Variants in TOPBP1 observed in about 807,000 individuals in gnomAD.
TOPBP1 encodes DNA topoisomerase II binding protein 1.
Under a neutral mutation model 167.7 loss-of-function variants are expected in TOPBP1, and 28 were observed. The ratio of observed to expected loss-of-function variants is 0.17; its 90% CI spans 0.12 to 0.23. The LOEUF (loss-of-function observed/expected upper bound fraction) is 0.23, where lower values mean the gene tolerates loss of function less well. TOPBP1 is among the 10% of genes least tolerant of loss of function. The pLI is 1.00. For synonymous variants in TOPBP1, 598 were observed against 611.4 expected (o/e 0.98, Z 0.32); for missense variants, 1,554 against 1,809.6 (o/e 0.86, Z 2.56).
intron 23 of TOPBP1, among the ~76,000 whole-genome samples, chr3:133,616,427 A>G (rs1934882900): frequency 1.3e-5 from 2 of 151,962 alleles, no homozygotes; most frequent in Non-Finnish European, 2.9e-5. Context: ...TGGCCTCCAC[A>G]CTGTTTCTAA....
chr3:133,604,415 G>T (rs1168337469), intron 27 of TOPBP1, among the ~76,000 whole-genome samples: 1 of 151,720 alleles, frequency 6.6e-6, no homozygotes, highest in Non-Finnish European at 1.5e-5. Flanking sequence ...GAGATTACAG[G>T]CGTGTGCTAC....
intron 14 of TOPBP1, among the ~76,000 whole-genome samples, chr3:133,636,381 T>C (rs1312419728): frequency 6.8e-5 from 8 of 116,958 alleles, no homozygotes; most frequent in Admixed American, 1.7e-4. Flanking sequence ...TACCATATTA[T>C]ATCAGTTTGA....
At position 133,649,818 on chromosome 3, in the gene TOPBP1, A is replaced by G; in HGVS notation, c.1215T>C (p.Asp405=). The change falls in exon 9 of 28, where the codon GAT becomes GAC. Residue 405 remains aspartate (D), a synonymous_variant. Coordinates refer to ENST00000260810, the MANE Select transcript of TOPBP1 (RefSeq NM_007027.4). ...TATTCCAAAACTGCTTCAATTCATCATCATAATCTCCCACAATAACATGAG... is the reference window on the plus strand; with the variant it reads ...TATTCCAAAACTGCTTCAATTCATCGTCATAATCTCCCACAATAACATGAG... ...DVTHVIVGDY[D]DELKQFWNKS... is the part of the protein sequence containing the mutation. The G allele has an allele frequency of 5.0e-6, 8 of 1,608,186 alleles. No homozygotes were observed. Among genetic ancestry groups the G allele is most frequent in the Non-Finnish European group, 6.8e-6 (8 of 1,178,646 alleles).
Position 133,659,145 on chromosome 3 carries a change from T to C in TOPBP1, c.90A>G (p.Ile30Met). Residue 30 changes from isoleucine to methionine, a missense_variant, in exon 3 of 28, where the codon ATA (isoleucine) becomes ATG (methionine). Transcript: ENST00000260810. ...SKCFFKALES[I>M]KEFQSEEYLQ... ...GATATTCTTCTGATTGGAATTCTTT[T>C]ATGGACTGAAAGAAAAAATAAAATA... is the stretch of plus-strand genomic sequence containing the variant. The C allele has an allele frequency of 1.3e-6, 2 of 1,562,298 alleles. No homozygotes were observed. Among genetic ancestry groups the C allele is most frequent in the Non-Finnish European group, 1.7e-6 (2 of 1,156,032 alleles).
chr3:133,651,740 A>C (rs1936313086), intron 8 of TOPBP1, among the ~76,000 whole-genome samples: 1 of 152,244 alleles, frequency 6.6e-6, no homozygotes, highest in African/African-American at 2.4e-5. Flanking sequence ...ACTTTGGAGT[A>C]GATAACTGGC....
At position 133,624,135 on chromosome 3, in the gene TOPBP1, C is replaced by G. The variant is rs759404650; in HGVS notation, c.2845G>C (p.Gly949Arg). The G allele has an allele frequency of 5.6e-6, 9 of 1,613,640 alleles. No individual in the cohort carries two copies. In the South Asian group the frequency reaches 7.7e-5, roughly 14 times the overall value. The change falls in exon 17 of 28, where the codon GGG (glycine) becomes CGG (arginine). Residue 949 changes from glycine to arginine, a missense_variant. Around this residue, in one of 3 missense-constraint regions of TOPBP1, gnomAD observed 1,197 missense variants for 1,351.5 expected, o/e 0.89. Transcript: ENST00000260810. The part of the protein sequence containing the change: ...DETVTHFIYQ[G>R]RPNDTNREYK... ...TCCCGATTAGTGTCATTTGGCCGCC[C>G]TTGATAGATGAAATGAGTCACTGTT...
chr3:133,631,736 C>G (rs1445705575), intron 14 of TOPBP1, among the ~76,000 whole-genome samples: 1 of 152,110 alleles, frequency 6.6e-6, no homozygotes, highest in Non-Finnish European at 1.5e-5. Context: ...CCTCCTGGTT[C>G]AAGTGATTCT....
intron 14 of TOPBP1, among the ~76,000 whole-genome samples, chr3:133,635,889 C>G (rs2107803950): frequency 6.6e-6 from 1 of 152,022 alleles, no homozygotes; most frequent in South Asian, 2.1e-4. Context: ...AAATGCCCAT[C>G]AACAGTACAC....
At chr3:133,611,519 A>G (rs1434468764) in intron 24 of TOPBP1, among the ~76,000 whole-genome samples, 1 of 152,244 alleles carries the variant, frequency 6.6e-6, no homozygotes. Flanking sequence ...TTATCTGTCT[A>G]TGTAGTAAAG....
chr3:133,618,396 G>C lies in TOPBP1; in HGVS notation c.3409C>G (p.Pro1137Ala), dbSNP rs368442983. 9.5e-5 allele frequency: 153 copies of C among 1,613,906 alleles called. No homozygotes were observed. In the East Asian group the frequency reaches 1.2e-3, roughly 13 times the overall value. ...CAAATGATCTGTTCATTTTGGGAAG[G>C]CTCTGTGTTGACATCAGGTACTGTC... ...RQTVPDVNTEPSQNEQIIWDD... is the reference protein window; with the variant it reads ...RQTVPDVNTEASQNEQIIWDD... Residue 1137 changes from proline (P) to alanine (A), a missense_variant, in exon 21 of 28, where the codon CCT becomes GCT. Transcript: ENST00000260810.
At chr3:133,653,049 T>C (rs1465662237) in intron 7 of TOPBP1, among the ~76,000 whole-genome samples, 1 of 152,226 alleles carries the variant, frequency 6.6e-6, no homozygotes, top group African/African-American at 2.4e-5. Context: ...ATGCATGTAA[T>C]GTTTAAAAGA....
intron 8 of TOPBP1, among the ~76,000 whole-genome samples, chr3:133,651,263 T>C (rs998499193): frequency 1.3e-5 from 2 of 148,370 alleles, no homozygotes; most frequent in African/African-American, 5.0e-5. Flanking sequence ...CTCGGCTCAC[T>C]GTAACCTCCG....
chr3:133,636,561 T>C (rs1029548994), intron 14 of TOPBP1, among the ~76,000 whole-genome samples: 4 of 152,188 alleles, frequency 2.6e-5, no homozygotes, highest in Admixed American at 6.5e-5. Context: ...ATGTGTTTTT[T>C]GTATTGAGGC....
intron 10 of TOPBP1, among the ~76,000 whole-genome samples, chr3:133,647,456 A>G (rs190879460): frequency 2.2e-4 from 33 of 152,324 alleles, no homozygotes; most frequent in Admixed American, 8.5e-4. Context: ...AAATCACAAA[A>G]CACAAGAAAA....
chr3:133,658,201 C>T (rs544298522), intron 3 of TOPBP1, among the ~76,000 whole-genome samples: 71 of 152,344 alleles, frequency 4.7e-4, no homozygotes, highest in African/African-American at 1.6e-3. Context: ...CAGTGGCTCA[C>T]GCCTGTAATG....
intron 8 of TOPBP1, among the ~76,000 whole-genome samples, chr3:133,650,362 T>TC (rs1553726535): frequency 2.1e-5 from 2 of 95,634 alleles, no homozygotes; most frequent in African/African-American, 9.2e-5. Context: ...ATTGTGTGTG[T>TC]GTGGGGGGCG....
At position 133,628,747 on chromosome 3, in the gene TOPBP1, G is replaced by GGA. The variant is rs749293531; in HGVS notation, c.2521-16_2521-15dup. 20 of 1,545,438 alleles carry GGA rather than the reference G, an allele frequency of 1.3e-5. No homozygotes were observed. The highest frequency in any genetic ancestry group is 1.7e-4 in the Middle Eastern group (1 of 5,964). On this transcript the variant is annotated splice_polypyrimidine_tract_variant and intron_variant, in intron 14 of 27. Transcript: ENST00000260810. ...TGCAAGTGCATCCTATACATATGAA[G>GGA]GAGAGAGAGAGATGGAGAAAAGAAG...
intron 14 of TOPBP1, among the ~76,000 whole-genome samples, chr3:133,635,800 A>G (rs1284833270): frequency 2.0e-5 from 3 of 152,184 alleles, no homozygotes; most frequent in African/African-American, 7.2e-5. Context: ...AGTAACACAC[A>G]CACATAGACT....
At chr3:133,619,007 A>C (rs1376682248) in intron 20 of TOPBP1, among the ~76,000 whole-genome samples, 2 of 151,782 alleles carry the variant, frequency 1.3e-5, no homozygotes, top group African/African-American at 4.8e-5. Context: ...GATTGTAATG[A>C]TTCCACGTGA....
Sources: gnomAD v4.1 joint callset for allele counts (sites outside exome capture counted in the v4.1 genomes callset) on GRCh38, gnomAD v4.1.1 for gene constraint, gnomAD v4.1.1 regional missense constraint, MANE v1.5 for transcripts, NCBI Gene and HGNC (gene_info 2026-07-23, HGNC 2026-07-21) for gene names.